Variants in NRXN3 observed in about 807,000 individuals in gnomAD.
NRXN3 encodes neurexin III.
In NRXN3, 32 loss-of-function variants were observed where a neutral mutation model predicts 137.6. That is an observed-to-expected ratio of 0.23 (90% CI 0.18 to 0.31). The LOEUF (loss-of-function observed/expected upper bound fraction) is 0.31. Among genes scored for constraint, NRXN3 ranks in the 10% least tolerant of loss-of-function variants. The probability of loss-of-function intolerance (pLI) is 1.00; values close to 1 mark genes in which losing one functional copy is unlikely to be tolerated. For synonymous variants in NRXN3, 798 were observed against 784.5 expected (o/e 1.02, Z -0.29); for missense variants, 1,574 against 2,062.5 (o/e 0.76, Z 4.59).
At chr14:78,632,086 C>G (rs1480156931) in intron 4 of NRXN3, among the ~76,000 whole-genome samples, 1 of 150,432 alleles carries the variant, frequency 6.6e-6, no homozygotes, top group Non-Finnish European at 1.5e-5. Context: ...TGCACTCCAG[C>G]CTGGGCGACA....
At chr14:78,726,614 C>T (rs1468056582) in intron 8 of NRXN3, among the ~76,000 whole-genome samples, 1 of 146,908 alleles carries the variant, frequency 6.8e-6, no homozygotes, top group Non-Finnish European at 1.5e-5. Context: ...GCTCCCTGGG[C>T]TCAAGCCATC....
intron 15 of NRXN3, among the ~76,000 whole-genome samples, chr14:79,131,394 A>T (rs2057445846): frequency 6.6e-6 from 1 of 151,860 alleles, no homozygotes; most frequent in Admixed American, 6.6e-5. Flanking sequence ...TTTCCTTCTA[A>T]CAGACAGGAC....
chr14:79,439,448 T>C (rs544001459), intron 15 of NRXN3, among the ~76,000 whole-genome samples: 23 of 152,338 alleles, frequency 1.5e-4, no homozygotes, highest in African/African-American at 5.3e-4. Flanking sequence ...ACAGATTTGA[T>C]GGCCTGCATC....
chr14:79,067,437 G>T, intron 15 of NRXN3, among the ~76,000 whole-genome samples: 1 of 151,900 alleles, frequency 6.6e-6, no homozygotes, highest in Non-Finnish European at 1.5e-5. Flanking sequence ...TTTTTTTGTT[G>T]TGTCTCTGCC....
intron 16 of NRXN3, among the ~76,000 whole-genome samples, chr14:79,620,511 T>C (rs570018936): frequency 6.6e-6 from 1 of 152,210 alleles, no homozygotes; most frequent in African/African-American, 2.4e-5. Context: ...CATAAGGTAG[T>C]GGCATTGGAG....
At position 79,867,132 on chromosome 14, in the gene NRXN3, G is replaced by A. The variant is rs2099418381; in HGVS notation, c.*5168G>A. On this transcript the variant is annotated 3_prime_UTR_variant, in exon 21 of 21. Transcript: ENST00000335750. ...TAAATGACTTCTCCAAGGTCACACA[G>A]CTAATACATGACAATGTCATGACTT... 2 of 152,184 alleles carry A rather than the reference G, an allele frequency of 1.3e-5. No individual in the cohort carries two copies. Among genetic ancestry groups the A allele is most frequent in the South Asian group, 2.1e-4 (1 of 4,832 alleles). 9.4% of individuals were successfully genotyped at this position (152,184 alleles called of 1,614,324 possible). A position where few individuals can be genotyped will look rare whatever the true frequency, so the allele number is the denominator to read the frequency against.
chr14:78,664,389 C>T (rs757439793), intron 6 of NRXN3, among the ~76,000 whole-genome samples: 5 of 152,136 alleles, frequency 3.3e-5, no homozygotes, highest in African/African-American at 4.8e-5. Flanking sequence ...TCTTAATCTT[C>T]GATCTCCCAT....
intron 4 of NRXN3, among the ~76,000 whole-genome samples, chr14:78,523,044 T>A (rs549330508): frequency 6.6e-6 from 1 of 152,360 alleles, no homozygotes; most frequent in Non-Finnish European, 1.5e-5. Flanking sequence ...TGTTATTTTA[T>A]ATGTGGCTGA....
intron 15 of NRXN3, among the ~76,000 whole-genome samples, chr14:79,038,835 T>G (rs909955764): frequency 5.3e-5 from 8 of 152,112 alleles, no homozygotes; most frequent in Admixed American, 1.3e-4. Flanking sequence ...TACCTGGCCT[T>G]TCGTTCCCTG....
intron 10 of NRXN3, among the ~76,000 whole-genome samples, chr14:78,940,508 C>G (rs987301027): frequency 2.0e-5 from 3 of 152,156 alleles, no homozygotes; most frequent in Non-Finnish European, 4.4e-5. Flanking sequence ...ATCCAGGGAT[C>G]AAAATATATT....
intron 4 of NRXN3, among the ~76,000 whole-genome samples, chr14:78,542,803 A>G (rs1382145519): frequency 1.3e-5 from 2 of 152,178 alleles, no homozygotes; most frequent in African/African-American, 2.4e-5. Context: ...TGGAGCTGTT[A>G]CTATTTGGCC....
chr14:78,810,679 G>A (rs987722601), intron 10 of NRXN3, among the ~76,000 whole-genome samples: 1 of 152,316 alleles, frequency 6.6e-6, no homozygotes, highest in South Asian at 2.1e-4. Flanking sequence ...AACTCTGAGA[G>A]TGAACAAAAA....
In NRXN3 at chr14:78,419,892, T is replaced by G. The variant is rs376803745; in HGVS notation, c.757+122032T>G. 1.9e-3 allele frequency among the ~76,000 whole-genome samples: 294 copies of G among 152,082 alleles called. 1 individual carries two copies. The highest frequency in any genetic ancestry group is 6.2e-3 in the African/African-American group (259 of 41,502). On this transcript the variant is annotated intron_variant, in intron 4 of 20. Coordinates refer to ENST00000335750, the MANE Select transcript of NRXN3 (RefSeq NM_001330195.2). ...TCTCAGCTCTCAGTATCATTCATAG[T>G]CAGGACTTTACATGTGTGTGTGTAA... is the stretch of plus-strand genomic sequence containing the variant.
intron 15 of NRXN3, among the ~76,000 whole-genome samples, chr14:79,412,436 G>A (rs2095430256): frequency 1.3e-5 from 2 of 152,110 alleles, no homozygotes; most frequent in African/African-American, 2.4e-5. Context: ...GGGATAGAAA[G>A]ATTCTGAGAT....
At chr14:78,626,468 G>T (rs2097459404) in intron 4 of NRXN3, among the ~76,000 whole-genome samples, 1 of 152,076 alleles carries the variant, frequency 6.6e-6, no homozygotes, top group African/African-American at 2.4e-5. Flanking sequence ...TACATATAAA[G>T]AATTTAAAAA....
At chr14:79,133,950 AAG>A (rs202096298) in intron 15 of NRXN3, among the ~76,000 whole-genome samples, 2,151 of 125,034 alleles carry the variant, frequency 0.017, 44 homozygotes, top group East Asian at 0.083. Flanking sequence ...AAAAAAAAAA[AAG>A]GAAAGAAAAA....
intron 16 of NRXN3, among the ~76,000 whole-genome samples, chr14:79,474,385 G>C (rs1345458725): frequency 6.6e-6 from 1 of 152,172 alleles, no homozygotes; most frequent in South Asian, 2.1e-4. Flanking sequence ...TAGAAGGAAA[G>C]TTTTAGTTTA....
intron 19 of NRXN3, among the ~76,000 whole-genome samples, chr14:79,766,287 G>A (rs976585277): frequency 1.3e-5 from 2 of 152,048 alleles, no homozygotes; most frequent in Non-Finnish European, 2.9e-5. Flanking sequence ...TTTCTCTAAG[G>A]ATAGTGGCTG....
intron 15 of NRXN3, among the ~76,000 whole-genome samples, chr14:79,301,605 C>T (rs902070828): frequency 5.3e-5 from 8 of 152,000 alleles, no homozygotes; most frequent in African/African-American, 1.9e-4. Context: ...AAATCAAACC[C>T]TTGCACATCA....
Sources: allele counts gnomAD v4.1 joint callset (sites outside exome capture counted in the v4.1 genomes callset), GRCh38; gene constraint gnomAD v4.1.1; transcripts MANE v1.5; gene names NCBI Gene and HGNC (gene_info 2026-07-23, HGNC 2026-07-21).